SORCS2: variants seen among roughly 807,000 people sequenced by gnomAD.
SORCS2 encodes the protein sortilin related VPS10 domain containing receptor 2.
A neutral mutation model predicts 141.6 loss-of-function variants in SORCS2; 100 were observed. The observed-to-expected ratio is 0.71, with a 90% CI of 0.60 to 0.83. SORCS2 has a LOEUF of 0.83. Among genes scored for constraint, SORCS2 ranks in the 40% least tolerant of loss-of-function variants. The probability of loss-of-function intolerance (pLI) is 0.00; values close to 1 mark genes in which losing one functional copy is unlikely to be tolerated. For missense variants in SORCS2, 1,646 were observed against 1,560.2 expected, an observed-to-expected ratio of 1.05 and a Z score of -0.93; for synonymous variants, 789 against 676.9, an observed-to-expected ratio of 1.17 and a Z score of -2.57.
At chr4:7,402,069 G>A (rs530042559) in intron 2 of SORCS2, among the ~76,000 whole-genome samples, 13 of 152,204 alleles carry the variant, frequency 8.5e-5, no homozygotes, top group Non-Finnish European at 1.9e-4. Flanking sequence ...GTGTGGGCCA[G>A]TGGATGGTGA....
chr4:7,534,059 C>T (rs1199881224), intron 3 of SORCS2, among the ~76,000 whole-genome samples: 1 of 152,170 alleles, frequency 6.6e-6, no homozygotes, highest in African/African-American at 2.4e-5. Flanking sequence ...ATTTCAGAGC[C>T]AGGAGTTTGG....
At chr4:7,659,577 C>A (rs1055845365) in intron 5 of SORCS2, among the ~76,000 whole-genome samples, 1 of 152,240 alleles carries the variant, frequency 6.6e-6, no homozygotes, top group African/African-American at 2.4e-5. Flanking sequence ...TTTGCCCTGT[C>A]ATTGCTGCCT....
intron 3 of SORCS2, among the ~76,000 whole-genome samples, chr4:7,594,295 G>GGTGTGTGACACA (rs1437880825): frequency 9.2e-5 from 14 of 152,188 alleles, no homozygotes; most frequent in Non-Finnish European, 1.9e-4. Context: ...CACCTGCCAC[G>GGTGTGTGACACA]GTGTGTGCCA....
At position 7,201,356 on chromosome 4, in the gene SORCS2, T is replaced by C. The variant is rs1727474727; in HGVS notation, c.480+8230T>C. Among the ~76,000 whole-genome samples, 1 of 152,182 alleles carries C rather than the reference T, an allele frequency of 6.6e-6. No homozygotes were observed. The highest frequency in any genetic ancestry group is 1.5e-5 in the Non-Finnish European group (1 of 68,036). ...GCTGAGCACATTTCACAAATCCACT[T>C]TTACTTTAATAAAGGGCGATTTAAT... On this transcript the variant is annotated intron_variant, in intron 1 of 26. Transcript: ENST00000507866. This position sits in a 1 kb window ranked among gnomAD's most constrained non-coding sequence, Gnocchi z 4.4.
At chr4:7,604,373 A>T (rs1717925237) in intron 3 of SORCS2, among the ~76,000 whole-genome samples, 1 of 152,240 alleles carries the variant, frequency 6.6e-6, no homozygotes, top group South Asian at 2.1e-4. Flanking sequence ...GCTGGAGTGC[A>T]GTGGCGCGAT....
chr4:7,632,017 T>C (rs188924417), intron 3 of SORCS2, among the ~76,000 whole-genome samples: 13 of 152,284 alleles, frequency 8.5e-5, no homozygotes, highest in African/African-American at 3.1e-4. Context: ...AGAAAAGCCG[T>C]CTGTGTGATC....
intron 2 of SORCS2, among the ~76,000 whole-genome samples, chr4:7,414,250 C>T (rs1337825373): frequency 6.6e-6 from 1 of 152,184 alleles, no homozygotes; most frequent in Admixed American, 6.5e-5. Flanking sequence ...GGTGGTAGCC[C>T]ACAGTTGCAC....
chr4:7,271,101 A>C (rs1326472614), intron 1 of SORCS2, among the ~76,000 whole-genome samples: 5 of 152,194 alleles, frequency 3.3e-5, no homozygotes, highest in Non-Finnish European at 7.3e-5. Flanking sequence ...TTGATCATGG[A>C]GGTAGGTGGT....
chr4:7,620,065 C>A (rs1369764803), intron 3 of SORCS2, among the ~76,000 whole-genome samples: 1 of 151,698 alleles, frequency 6.6e-6, no homozygotes, highest in Non-Finnish European at 1.5e-5. Flanking sequence ...TCTTCCTCCT[C>A]TTCTTCCTCC....
At chr4:7,437,865 C>T (rs1020553748) in intron 2 of SORCS2, among the ~76,000 whole-genome samples, 1 of 152,062 alleles carries the variant, frequency 6.6e-6, no homozygotes, top group African/African-American at 2.4e-5. Context: ...TTCCTCTCAC[C>T]TGTCTGTCCA....
intron 5 of SORCS2, among the ~76,000 whole-genome samples, chr4:7,656,586 C>G (rs1721794136): frequency 6.6e-6 from 1 of 152,268 alleles, no homozygotes; most frequent in Non-Finnish European, 1.5e-5. Flanking sequence ...AGCTGTGGCC[C>G]TGAGACTCGG....
At chr4:7,603,657 TTAA>T (rs1717880348) in intron 3 of SORCS2, among the ~76,000 whole-genome samples, 1 of 152,250 alleles carries the variant, frequency 6.6e-6, no homozygotes. Flanking sequence ...GGGGGCCTAA[TTAA>T]TTCCTCTCTC....
intron 9 of SORCS2, among the ~76,000 whole-genome samples, chr4:7,677,982 TG>T (rs1180574779): frequency 2.0e-5 from 3 of 151,882 alleles, no homozygotes; most frequent in Non-Finnish European, 2.9e-5. Context: ...AAGAACAGGG[TG>T]GGGTGGGACT....
intron 2 of SORCS2, among the ~76,000 whole-genome samples, chr4:7,413,391 C>CTTGTTTTTTTTTTTTTTT (rs1725451078): frequency 2.4e-5 from 2 of 84,834 alleles, no homozygotes; most frequent in Non-Finnish European, 4.4e-5. Context: ...TTCACAGCTG[C>CTTGTTTTTTTTTTTTTTT]TTTTTTTTTT....
chr4:7,404,296 C>T (rs56876096), intron 2 of SORCS2, among the ~76,000 whole-genome samples: 16,418 of 151,996 alleles, frequency 0.11, 1,137 homozygotes, highest in East Asian at 0.22. Flanking sequence ...AATAGTGCTG[C>T]GATAAACATA....
intron 1 of SORCS2, among the ~76,000 whole-genome samples, chr4:7,245,271 C>G (rs1381761165): frequency 2.0e-5 from 3 of 152,310 alleles, no homozygotes; most frequent in African/African-American, 7.2e-5. Context: ...CACAGTGGTC[C>G]ACCCCCCACC....
chr4:7,499,536 G>T (rs933028818), intron 2 of SORCS2, among the ~76,000 whole-genome samples: 3 of 152,114 alleles, frequency 2.0e-5, no homozygotes, highest in Non-Finnish European at 4.4e-5. Flanking sequence ...GTTTTGAGAG[G>T]AGGATCGCAG....
At chr4:7,353,516 G>T (rs1163436013) in intron 1 of SORCS2, among the ~76,000 whole-genome samples, 1 of 152,240 alleles carries the variant, frequency 6.6e-6, no homozygotes, top group Non-Finnish European at 1.5e-5. Flanking sequence ...CCATGGCCCA[G>T]CATGAGGCCT....
At chr4:7,486,870 A>G (rs1731021824) in intron 2 of SORCS2, among the ~76,000 whole-genome samples, 1 of 152,208 alleles carries the variant, frequency 6.6e-6, no homozygotes, top group South Asian at 2.1e-4. Flanking sequence ...ATATAATCTC[A>G]TCATTAAGAT....
Sources: gnomAD v4.1 joint callset for allele counts (sites outside exome capture counted in the v4.1 genomes callset) on GRCh38, gnomAD v4.1.1 for gene constraint, Gnocchi (gnomAD v3.1) non-coding constraint, MANE v1.5 for transcripts, NCBI Gene and HGNC (gene_info 2026-07-23, HGNC 2026-07-21) for gene names.